The following NHSL1 variants were observed in gnomAD, a reference collection of about 807,000 sequenced individuals.
The protein encoded by NHSL1 is NHS like 1, also known as NHS-like protein 1.
NHSL1 carries 48 observed loss-of-function variants against 95.0 expected under a neutral mutation model. The observed-to-expected ratio is 0.51, with a 90% CI of 0.40 to 0.64. The LOEUF is 0.64. Among genes scored for constraint, NHSL1 ranks in the 30% least tolerant of loss-of-function variants. The pLI, the probability that NHSL1 is intolerant of heterozygous loss-of-function variation, is 0.00. For synonymous variants in NHSL1, 783 were observed against 833.9 expected, an observed-to-expected ratio of 0.94 and a Z score of 1.05; for missense variants, 1,971 against 2,077.7, an observed-to-expected ratio of 0.95 and a Z score of 1.00.
intron 1 of NHSL1, among the ~76,000 whole-genome samples, chr6:138,513,799 T>C (rs1011689658): frequency 1.3e-5 from 2 of 152,152 alleles, no homozygotes; most frequent in African/African-American, 4.8e-5. Context: ...TTTTCTTCTA[T>C]ATCACTACTA....
chr6:138,455,528 CCGCCTT>C (rs1400517506), intron 3 of NHSL1, among the ~76,000 whole-genome samples: 5 of 102,906 alleles, frequency 4.9e-5, no homozygotes, highest in African/African-American at 1.3e-4. Flanking sequence ...GCAAGGAGCC[CCGCCTT>C]CACATGCTCC....
At chr6:138,484,140 T>G (rs1261002395) in intron 2 of NHSL1, among the ~76,000 whole-genome samples, 1 of 152,140 alleles carries the variant, frequency 6.6e-6, no homozygotes, top group African/African-American at 2.4e-5. Flanking sequence ...TCAGTAGAAT[T>G]TCAGGGAAAC....
exon 1 of NHSL1, chr6:138,572,092 A>C: frequency 1.7e-6 from 1 of 577,120 alleles, no homozygotes; most frequent in Non-Finnish European, 3.0e-6. Context: ...GAAAGGGAAA[A>C]GGAGGGGTTA....
At chr6:138,566,564 C>G (rs568152555) in intron 1 of NHSL1, among the ~76,000 whole-genome samples, 3 of 151,458 alleles carry the variant, frequency 2.0e-5, no homozygotes, top group African/African-American at 7.3e-5. Flanking sequence ...CTTTTTATCA[C>G]TCTTAAGATA....
At chr6:138,522,534 A>C (rs1165689700) in intron 1 of NHSL1, among the ~76,000 whole-genome samples, 1 of 152,186 alleles carries the variant, frequency 6.6e-6, no homozygotes, top group Non-Finnish European at 1.5e-5. Flanking sequence ...CCCTGTAATC[A>C]GGAGGCTGAG....
At position 138,530,281 on chromosome 6, in the gene NHSL1, T is replaced by C. The variant is rs138819730; in HGVS notation, c.16+15342A>G. Among the ~76,000 whole-genome samples, 81 of 152,272 alleles carry C rather than the reference T, an allele frequency of 5.3e-4. 1 individual carries two copies. Among genetic ancestry groups the C allele is most frequent in the African/African-American group, 1.8e-3 (75 of 41,558 alleles). On this transcript the variant is annotated intron_variant, in intron 1 of 4. Coordinates refer to the NHSL1 transcript ENST00000342260. ...CACCTTACTCTTGCAAGAATGACCA[T>C]GTTGGCAGGGATGTGGTGAAAAGGG...
intron 1 of NHSL1, among the ~76,000 whole-genome samples, chr6:138,660,978 G>T (rs1319619954): frequency 1.3e-5 from 2 of 152,102 alleles, no homozygotes; most frequent in Non-Finnish European, 2.9e-5. Context: ...TGTAGTCCCA[G>T]TTGGGACTGG....
At chr6:138,545,821 C>A (rs1782771436), upstream of NHSL1, 1 of 1,169,054 alleles carries the variant, frequency 8.6e-7, no homozygotes, top group African/African-American at 1.6e-5. Context: ...GCTGCTGACA[C>A]CTCCCTATCT....
chr6:138,629,724 A>T (rs537607602), intron 1 of NHSL1, among the ~76,000 whole-genome samples: 1 of 152,306 alleles, frequency 6.6e-6, no homozygotes, highest in South Asian at 2.1e-4. Flanking sequence ...GCCTGAATTT[A>T]ATGCACAGAT....
At chr6:138,654,679 T>A (rs1785133769) in intron 1 of NHSL1, among the ~76,000 whole-genome samples, 1 of 152,128 alleles carries the variant, frequency 6.6e-6, no homozygotes, top group Non-Finnish European at 1.5e-5. Context: ...CTCCATAAAA[T>A]GCTCCCACAT....
chr6:138,628,681 G>A (rs1003427913), intron 1 of NHSL1, among the ~76,000 whole-genome samples: 2 of 152,352 alleles, frequency 1.3e-5, no homozygotes, highest in South Asian at 2.1e-4. Context: ...CTGGAAGGTG[G>A]AGGTTGTAGT....
chr6:138,522,734 C>G (rs1781736013), intron 1 of NHSL1, among the ~76,000 whole-genome samples: 1 of 152,004 alleles, frequency 6.6e-6, no homozygotes, highest in South Asian at 2.1e-4. Flanking sequence ...TCACTTGGGC[C>G]CAGGCGGCTG....
chr6:138,480,894 A>G lies in NHSL1; in HGVS notation c.212-7461T>C, dbSNP rs560410540. Among the ~76,000 whole-genome samples the G allele has an allele frequency of 2.6e-5, 4 of 152,332 alleles. No homozygotes were observed. The South Asian group carries it at 6.2e-4, about 24-fold the overall frequency. On this transcript the variant is annotated intron_variant, in intron 2 of 7. Coordinates refer to ENST00000343505, the MANE Select transcript of NHSL1 (RefSeq NM_001144060.2). ...TATCATTACCTGATTTGTGTTTACA[A>G]TAATTCTCTGAGAATTGAAGGAAAG...
intron 3 of NHSL1, among the ~76,000 whole-genome samples, chr6:138,458,853 A>AAAAC (rs1480087893): frequency 4.7e-5 from 7 of 150,500 alleles, no homozygotes; most frequent in African/African-American, 1.7e-4. Flanking sequence ...AAAAAAAAAA[A>AAAAC]CCCAGAAAAA....
At chr6:138,571,638 G>A in intron 1 of NHSL1, 1 of 1,378,620 alleles carries the variant, frequency 7.3e-7, no homozygotes, top group Non-Finnish European at 1.0e-6. Context: ...TCATGAAGGG[G>A]GAGTGATAGA....
intron 1 of NHSL1, among the ~76,000 whole-genome samples, chr6:138,615,914 C>A (rs1784572812): frequency 6.6e-6 from 1 of 151,782 alleles, no homozygotes; most frequent in South Asian, 2.1e-4. Context: ...GATTACTACT[C>A]CCCAGGCGCT....
chr6:138,643,738 C>A lies in NHSL1; in HGVS notation c.96+48738G>T, dbSNP rs111905904. On this transcript the variant is annotated intron_variant, in intron 1 of 3. Transcript: ENST00000491526. ...AAGTTAAGCAGCTTGGTGGCTCATG[C>A]CTGTAATCCCAGCACTTAGGCAGGC... Among the ~76,000 whole-genome samples the A allele has an allele frequency of 4.4e-3, 666 of 152,258 alleles. 15 individuals are homozygous for A. The highest frequency in any genetic ancestry group is 0.015 in the African/African-American group (633 of 41,546).
chr6:138,683,066 G>A (rs1394641518), intron 1 of NHSL1, among the ~76,000 whole-genome samples: 3 of 152,282 alleles, frequency 2.0e-5, no homozygotes, highest in African/African-American at 4.8e-5. Context: ...CAGTTCCCAC[G>A]GCAGGAGGAA....
chr6:138,571,330 A>G (rs750688132), intron 1 of NHSL1, among the ~76,000 whole-genome samples: 1 of 152,206 alleles, frequency 6.6e-6, no homozygotes, highest in Admixed American at 6.5e-5. Flanking sequence ...TTCTCAGTGC[A>G]GTTTCACAAG....
Sources: gnomAD v4.1 joint callset for allele counts (sites outside exome capture counted in the v4.1 genomes callset) on GRCh38, gnomAD v4.1.1 for gene constraint, MANE v1.5 for transcripts, NCBI Gene and HGNC (gene_info 2026-07-23, HGNC 2026-07-21) for gene names.